Variants in TENM4 observed in about 807,000 individuals in gnomAD.
TENM4 encodes teneurin transmembrane protein 4, also known as teneurin-4.
In TENM4, 82 loss-of-function variants were observed where a neutral mutation model predicts 243.3. The ratio of observed to expected loss-of-function variants is 0.34; its 90% CI spans 0.28 to 0.40. The LOEUF is 0.40. Among genes scored for constraint, TENM4 ranks in the 10% least tolerant of loss-of-function variants. The probability of loss-of-function intolerance (pLI) is 1.00; values close to 1 mark genes in which losing one functional copy is unlikely to be tolerated. For synonymous variants in TENM4, 1,412 were observed against 1,456.3 expected (o/e 0.97, Z 0.69); for missense variants, 3,138 against 3,673.3 (o/e 0.85, Z 3.77).
chr11:79,021,826 G>C (rs1459669629), intron 6 of TENM4: 1 of 152,216 alleles, frequency 6.6e-6, no homozygotes, highest in African/African-American at 2.4e-5. Context: ...GGACATCAGA[G>C]ATTCCTTACA....
intron 24 of TENM4, among the ~76,000 whole-genome samples, chr11:78,720,825 C>A (rs958327086): frequency 6.6e-6 from 1 of 151,978 alleles, no homozygotes; most frequent in Non-Finnish European, 1.5e-5. Flanking sequence ...GGAGCCTCCT[C>A]ACAATAGAAT....
chr11:78,852,636 T>G (rs1858567432), intron 12 of TENM4, among the ~76,000 whole-genome samples: 1 of 152,062 alleles, frequency 6.6e-6, no homozygotes, highest in South Asian at 2.1e-4. Context: ...TGAGCCGTGA[T>G]TGAGTCACTG....
chr11:79,041,880 G>A (rs545636901), intron 6 of TENM4, among the ~76,000 whole-genome samples: 17 of 152,288 alleles, frequency 1.1e-4, no homozygotes, highest in Admixed American at 4.6e-4. Flanking sequence ...GCCAGCCCTC[G>A]CAGGGCTCAG....
At chr11:79,012,815 C>T (rs1358007748) in intron 6 of TENM4, among the ~76,000 whole-genome samples, 1 of 152,156 alleles carries the variant, frequency 6.6e-6, no homozygotes, top group African/African-American at 2.4e-5. Flanking sequence ...CCCAGCTCCC[C>T]TGGCAGCTCC....
intron 4 of TENM4, among the ~76,000 whole-genome samples, chr11:79,082,321 AG>A (rs1208386865): frequency 6.6e-6 from 1 of 152,006 alleles, no homozygotes; most frequent in Non-Finnish European, 1.5e-5. Flanking sequence ...CAAGCTCCCC[AG>A]GTTTGTGAAG....
intron 6 of TENM4, among the ~76,000 whole-genome samples, chr11:78,963,910 T>C (rs753255913): frequency 6.6e-6 from 1 of 151,416 alleles, no homozygotes; most frequent in South Asian, 2.1e-4. Flanking sequence ...TTTCTTTTTT[T>C]GTATTTTTAG....
intron 32 of TENM4, among the ~76,000 whole-genome samples, chr11:78,667,139 G>A (rs1858177469): frequency 6.6e-6 from 1 of 152,162 alleles, no homozygotes; most frequent in African/African-American, 2.4e-5. Flanking sequence ...TGAGCATGGT[G>A]AAGGCTGTGA....
At chr11:78,796,009 C>T (rs760347984) in intron 15 of TENM4, among the ~76,000 whole-genome samples, 11 of 152,242 alleles carry the variant, frequency 7.2e-5, no homozygotes, top group East Asian at 5.8e-4. Flanking sequence ...CTCTGTTCCA[C>T]GGATCGAGAT....
chr11:79,157,493 T>A (rs1440319525), intron 3 of TENM4, among the ~76,000 whole-genome samples: 1 of 152,180 alleles, frequency 6.6e-6, no homozygotes, highest in Non-Finnish European at 1.5e-5. Context: ...CTGTGCTCTA[T>A]GTGCTACAGC....
chr11:78,685,417 A>C (rs1002425269), intron 29 of TENM4, among the ~76,000 whole-genome samples: 1 of 152,248 alleles, frequency 6.6e-6, no homozygotes, highest in African/African-American at 2.4e-5. Flanking sequence ...TCAAGAAGGA[A>C]AGAGCTTGGC....
At chr11:78,901,112 G>C (rs1306220458) in intron 7 of TENM4, among the ~76,000 whole-genome samples, 1 of 152,030 alleles carries the variant, frequency 6.6e-6, no homozygotes, top group African/African-American at 2.4e-5. Flanking sequence ...AAAGGGCCTC[G>C]CATTGGGGGA....
At chr11:78,981,824 C>G (rs932880819) in intron 6 of TENM4, among the ~76,000 whole-genome samples, 1 of 152,164 alleles carries the variant, frequency 6.6e-6, no homozygotes, top group African/African-American at 2.4e-5. Context: ...AAACCCACTC[C>G]CACTGCTTTC....
intron 6 of TENM4, among the ~76,000 whole-genome samples, chr11:78,980,189 CAAT>C (rs1314429114): frequency 4.6e-5 from 7 of 152,220 alleles, no homozygotes; most frequent in African/African-American, 7.2e-5. Flanking sequence ...CTAATAACAA[CAAT>C]GATAATAATT....
At chr11:79,094,041 C>T (rs899543987) in intron 4 of TENM4, among the ~76,000 whole-genome samples, 3 of 152,164 alleles carry the variant, frequency 2.0e-5, no homozygotes, top group African/African-American at 2.4e-5. Flanking sequence ...TGGCTAGTGG[C>T]TACTGCATTA....
At chr11:79,424,805 A>G (rs367756312) in intron 1 of TENM4, among the ~76,000 whole-genome samples, 1 of 151,852 alleles carries the variant, frequency 6.6e-6, no homozygotes, top group Admixed American at 6.6e-5. Flanking sequence ...GTGGTGGCGG[A>G]CGCCTATTGT....
chr11:79,026,518 C>T (rs1859083699), intron 6 of TENM4, among the ~76,000 whole-genome samples: 3 of 152,318 alleles, frequency 2.0e-5, no homozygotes, highest in Admixed American at 2.0e-4. Flanking sequence ...CATCTTCCAG[C>T]CCTTCAAAGT....
intron 3 of TENM4, among the ~76,000 whole-genome samples, chr11:79,158,789 G>A (rs1032800991): frequency 1.2e-4 from 18 of 152,194 alleles, no homozygotes; most frequent in African/African-American, 4.3e-4. Flanking sequence ...AGGCAGGAGA[G>A]ATGGATTCAC....
intron 2 of TENM4, among the ~76,000 whole-genome samples, chr11:79,217,229 A>G (rs1864068725): frequency 6.6e-6 from 1 of 152,186 alleles, no homozygotes; most frequent in African/African-American, 2.4e-5. Flanking sequence ...CATTTGCCTC[A>G]GGTCATTCCA....
At chr11:79,229,755 T>C (rs1864340082) in intron 2 of TENM4, among the ~76,000 whole-genome samples, 1 of 152,230 alleles carries the variant, frequency 6.6e-6, no homozygotes, top group Non-Finnish European at 1.5e-5. Flanking sequence ...GAAAGGACAG[T>C]GCTTGACACA....
Sources: gnomAD v4.1 joint callset for allele counts (sites outside exome capture counted in the v4.1 genomes callset) on GRCh38, gnomAD v4.1.1 for gene constraint, MANE v1.5 for transcripts, NCBI Gene and HGNC (gene_info 2026-07-23, HGNC 2026-07-21) for gene names.